The following DIDO1 variants were observed in gnomAD, a reference collection of about 807,000 sequenced individuals.
DIDO1 encodes the protein death inducer-obliterator 1, also known as death-inducer obliterator 1.
In DIDO1, 16 loss-of-function variants were observed where a neutral mutation model predicts 99.4. The observed-to-expected ratio is 0.16, with a 90% CI of 0.11 to 0.24. The LOEUF (loss-of-function observed/expected upper bound fraction) is 0.24, where lower values mean the gene tolerates loss of function less well. Among genes scored for constraint, DIDO1 ranks in the 10% least tolerant of loss-of-function variants. The pLI is 1.00. For missense variants in DIDO1, 2,996 were observed against 3,014.0 expected (o/e 0.99, Z 0.14); for synonymous variants, 1,366 against 1,239.1 (o/e 1.10, Z -2.15).
intron 4 of DIDO1, among the ~76,000 whole-genome samples, chr20:62,909,055 C>G (rs1410747977): frequency 1.3e-5 from 2 of 152,244 alleles, no homozygotes; most frequent in Non-Finnish European, 2.9e-5. Flanking sequence ...CCTCACCTTG[C>G]AGCTAATGCA....
Position 62,894,701 on chromosome 20 carries a change from C to A in DIDO1, c.2436+109G>T. 1 of 1,406,990 alleles carries A rather than the reference C, an allele frequency of 7.1e-7. No homozygotes were observed. The highest frequency in any genetic ancestry group is 9.6e-7 in the Non-Finnish European group (1 of 1,039,042). The allele number at this position is 1,406,990 out of a possible 1,614,324, so 87.2% of individuals were successfully genotyped here. A position where few individuals can be genotyped will look rare whatever the true frequency, so the allele number is the denominator to read the frequency against. On this transcript the variant is annotated intron_variant, in intron 10 of 15. Coordinates refer to ENST00000395343, the MANE Select transcript of DIDO1 (RefSeq NM_001193369.2). This position sits in a 1 kb window ranked among gnomAD's most constrained non-coding sequence, Gnocchi z 4.4. ...CAAGGACTGAGGAATGCCACAATGA[C>A]ATACACCTGCTGTAAGCTCAGGTCC...
At chr20:62,922,219 T>C (rs183472983) in intron 1 of DIDO1, among the ~76,000 whole-genome samples, 12 of 90,290 alleles carry the variant, frequency 1.3e-4, no homozygotes, top group Middle Eastern at 6.8e-3. Context: ...TACATATATA[T>C]ACACACACAC....
chr20:62,907,861 G>A (rs2064841545), intron 4 of DIDO1, among the ~76,000 whole-genome samples: 1 of 152,268 alleles, frequency 6.6e-6, no homozygotes, highest in Non-Finnish European at 1.5e-5. Flanking sequence ...AGGATTAGCT[G>A]TGGCTAGGAT....
At chr20:62,883,490 A>C (rs1224112881) in intron 15 of DIDO1, among the ~76,000 whole-genome samples, 1 of 151,934 alleles carries the variant, frequency 6.6e-6, no homozygotes, top group Non-Finnish European at 1.5e-5. Flanking sequence ...CAAGAGTTTG[A>C]GACCAGTCTG....
intron 4 of DIDO1, among the ~76,000 whole-genome samples, chr20:62,909,173 G>A (rs1400629385): frequency 6.6e-6 from 1 of 152,268 alleles, no homozygotes; most frequent in African/African-American, 2.4e-5. Context: ...AGGGACCAGA[G>A]TGAAAACACG....
intron 1 of DIDO1, among the ~76,000 whole-genome samples, chr20:62,918,373 C>T (rs1478174690): frequency 6.6e-6 from 1 of 152,228 alleles, no homozygotes; most frequent in African/African-American, 2.4e-5. Flanking sequence ...TAGGTTCAAA[C>T]GATCCTTCTG....
In DIDO1 at chr20:62,905,291, G is replaced by A. The variant is rs943320108; in HGVS notation, c.1588+596C>T. On this transcript the variant is annotated intron_variant, in intron 6 of 15. Coordinates refer to ENST00000395343, the MANE Select transcript of DIDO1 (RefSeq NM_001193369.2). ...TATGAAGCAGGAGTGTGTGGCCTTC[G>A]AAGTTCGAATGTGTTCATGTGGGTG... 82 of 1,386,724 alleles carry A rather than the reference G, an allele frequency of 5.9e-5. No homozygotes were observed. In the Middle Eastern group the frequency reaches 8.1e-4, roughly 14 times the overall value. 85.9% of individuals were successfully genotyped at this position (1,386,724 alleles called of 1,614,324 possible). A position where few individuals can be genotyped will look rare whatever the true frequency, so the allele number is the denominator to read the frequency against.
At position 62,880,462 on chromosome 20, in the gene DIDO1, C is replaced by T. The variant is rs1474015595; in HGVS notation, c.5494G>A (p.Gly1832Ser). Reference protein sequence around the residue: ...DSRGPSPSYLGGPRGVAPSQF... With the variant: ...DSRGPSPSYLSGPRGVAPSQF... Reference sequence around the variant, plus strand: ...GATGGTGCCACTCCTCGTGGTCCACCAAGGTAAGAGGGTGAGGGGCCTCTG... The same window carrying T: ...GATGGTGCCACTCCTCGTGGTCCACTAAGGTAAGAGGGTGAGGGGCCTCTG... The change falls in exon 16 of 16, where the codon GGT becomes AGT. Residue 1832 changes from glycine to serine, a missense_variant. By Grantham distance (56) the Gly-to-Ser change is moderately conservative. Around this residue, in one of 5 missense-constraint regions of DIDO1, gnomAD observed 1,562 missense variants for 1,412.6 expected, o/e 1.11. Transcript: ENST00000395343. The T allele has an allele frequency of 6.2e-7, 1 of 1,612,802 alleles. No homozygotes were observed. Among genetic ancestry groups the T allele is most frequent in the African/African-American group, 1.3e-5 (1 of 74,950 alleles).
Position 62,910,931 on chromosome 20 carries a change from G to A in DIDO1, c.682C>T (p.Gln228Ter). The change falls in exon 3 of 16, where the codon CAG (glutamine) becomes TAG (stop). Residue 228 changes from glutamine (Q) to a stop codon, truncating the protein, a stop_gained. Coordinates refer to ENST00000395343, the MANE Select transcript of DIDO1 (RefSeq NM_001193369.2). LOFTEE classifies it high-confidence loss of function. ...CTCTCTCTGTCATCTTTCCCAGCCT[G>A]GGACACAACCCCCTGATCGTTCTCG... The part of the protein sequence containing the change: ...EPENDQGVVS[Q>*]AGKDDRESKL... 6.2e-7 allele frequency: 1 copy of A among 1,614,100 alleles called. No individual in the cohort carries two copies.
In DIDO1 at chr20:62,894,931, G is replaced by T; in HGVS notation, c.2332-17C>A. On this transcript the variant is annotated splice_polypyrimidine_tract_variant and intron_variant, in intron 9 of 15. Transcript: ENST00000395343. The surrounding 1 kb of genome is among the most constrained non-coding windows in gnomAD (Gnocchi z 4.4). The stretch of plus-strand genomic sequence containing the variant: ...CTCCATCACCTGAAATGAAAAAGAC[G>T]AAACAGAGCTTAGGCCTTGTTTTCT... The T allele has an allele frequency of 1.9e-6, 3 of 1,610,782 alleles. No individual in the cohort carries two copies. The highest frequency in any genetic ancestry group is 8.5e-7 in the Non-Finnish European group (1 of 1,178,008).
At chr20:62,906,297 C>T (rs1477380183) in intron 5 of DIDO1, among the ~76,000 whole-genome samples, 197 bp from the exon 6 acceptor site, 1 of 152,144 alleles carries the variant, frequency 6.6e-6, no homozygotes, top group African/African-American at 2.4e-5. Flanking sequence ...GCAGTTTCCC[C>T]GTGCAAAACT....
At chr20:62,891,835 A>C in intron 14 of DIDO1, 152 bp downstream of exon 14, 1 of 672,856 alleles carries the variant, frequency 1.5e-6, no homozygotes, top group East Asian at 2.9e-5. Context: ...GGCTCACTGC[A>C]AAACTTAATT....
intron 1 of DIDO1, among the ~76,000 whole-genome samples, chr20:62,935,986 GGGA>G (rs1245610623): frequency 6.6e-6 from 1 of 152,258 alleles, no homozygotes; most frequent in Non-Finnish European, 1.5e-5. Flanking sequence ...GTTGGCTGTT[GGGA>G]GGAGGAGCAT....
chr20:62,916,153 A>G (rs1291994755), intron 1 of DIDO1, among the ~76,000 whole-genome samples: 2 of 152,216 alleles, frequency 1.3e-5, no homozygotes, highest in South Asian at 2.1e-4. Context: ...TACACACTAC[A>G]CAGCCCATCA....
In DIDO1 at chr20:62,886,395, G is replaced by A. The variant is rs561396214; in HGVS notation, c.3542-3981C>T. Reference sequence around the variant, plus strand: ...TCTGTGTCCTTTGCGTATTCATGACGGAGGGGTCTGGACTCAGTGGTCAGA... The same window carrying A: ...TCTGTGTCCTTTGCGTATTCATGACAGAGGGGTCTGGACTCAGTGGTCAGA... On this transcript the variant is annotated intron_variant, in intron 15 of 15. Coordinates refer to ENST00000395343, the MANE Select transcript of DIDO1 (RefSeq NM_001193369.2). 1.1e-3 allele frequency among the ~76,000 whole-genome samples: 164 copies of A among 152,312 alleles called. 2 individuals are homozygous for A. In the South Asian group the frequency reaches 0.021, roughly 19 times the overall value.
At chr20:62,915,065 A>T (rs557598972) in intron 1 of DIDO1, among the ~76,000 whole-genome samples, 1 of 152,302 alleles carries the variant, frequency 6.6e-6, no homozygotes, top group South Asian at 2.1e-4. Context: ...CGACACTTCC[A>T]AACTGAGCCC....
chr20:62,879,882 G>T lies in DIDO1; in HGVS notation c.6074C>A (p.Pro2025His). Residue 2025 changes from proline (P) to histidine (H), a missense_variant, in exon 16 of 16, where the codon CCC becomes CAC. Around this residue, in one of 5 missense-constraint regions of DIDO1, gnomAD observed 1,562 missense variants for 1,412.6 expected, o/e 1.11. Transcript: ENST00000395343. The surrounding 1 kb of genome is among the most constrained non-coding windows in gnomAD (Gnocchi z 6.3). ...GGGGTGGCTGGGAAGCTCCAGCAGGGGCCTGGGGCCCGGCTTCATCACCTG... is the reference window on the plus strand; with the variant it reads ...GGGGTGGCTGGGAAGCTCCAGCAGGTGCCTGGGGCCCGGCTTCATCACCTG... ...APQVMKPGPR[P>H]LLELPSHPPQ... The T allele has an allele frequency of 6.3e-7, 1 of 1,588,932 alleles. No individual in the cohort carries two copies. Among genetic ancestry groups the T allele is most frequent in the Non-Finnish European group, 8.5e-7 (1 of 1,169,840 alleles).
chr20:62,910,336 C>A lies in DIDO1; in HGVS notation c.840-316G>T, dbSNP rs568850362. ...ACAGGCTGCCTATCACCGTCTGACA[C>A]CCAGTCCTAGCAGAGATCTTTTGAG... On this transcript the variant is annotated intron_variant, in intron 3 of 15. Transcript: ENST00000395343. 2.0e-5 allele frequency among the ~76,000 whole-genome samples: 3 copies of A among 152,350 alleles called. No homozygotes were observed. In the East Asian group the frequency reaches 5.8e-4, roughly 29 times the overall value.
In DIDO1 at chr20:62,894,795, C is replaced by T. The variant is rs762760184; in HGVS notation, c.2436+15G>A. ...AGTCTATTCTCGGTGAACACAAAAT[C>T]TCCCAAATGCTTACCTCTGAATCCG... On this transcript the variant is annotated intron_variant, in intron 10 of 15. Transcript: ENST00000395343. The surrounding 1 kb of genome is among the most constrained non-coding windows in gnomAD (Gnocchi z 4.4). 1.9e-6 allele frequency: 3 copies of T among 1,602,958 alleles called. No individual in the cohort carries two copies. Among genetic ancestry groups the T allele is most frequent in the Non-Finnish European group, 2.6e-6 (3 of 1,176,350 alleles).
Sources: gnomAD v4.1 joint callset for allele counts (sites outside exome capture counted in the v4.1 genomes callset) on GRCh38, gnomAD v4.1.1 for gene constraint, gnomAD v4.1.1 regional missense constraint, Gnocchi (gnomAD v3.1) non-coding constraint, MANE v1.5 for transcripts, NCBI Gene and HGNC (gene_info 2026-07-23, HGNC 2026-07-21) for gene names.